OTOGL: variants seen among roughly 807,000 people sequenced by gnomAD.
The protein encoded by OTOGL is otogelin-like protein.
Under a neutral mutation model 318.5 loss-of-function variants are expected in OTOGL, and 285 were observed. The observed-to-expected ratio is 0.89, with a 90% CI of 0.81 to 0.99. The LOEUF is 0.99. OTOGL is among the 50% of genes least tolerant of loss of function. The probability of loss-of-function intolerance (pLI) is 0.00; values close to 1 mark genes in which losing one functional copy is unlikely to be tolerated. For synonymous variants in OTOGL, 987 were observed against 936.5 expected (o/e 1.05, Z -0.99); for missense variants, 2,899 against 2,845.6 (o/e 1.02, Z -0.43).
intron 48 of OTOGL, 125 bp from the exon 49 acceptor site, chr12:80,356,682 G>A (rs946490647): frequency 1.5e-5 from 9 of 592,450 alleles, no homozygotes; most frequent in East Asian, 3.2e-5. Context: ...TCATATATAT[G>A]TATATATATA....
chr12:80,211,912 G>C (rs745393396), intron 3 of OTOGL, 37 bp from the exon 4 acceptor site: 1 of 1,512,884 alleles, frequency 6.6e-7, no homozygotes, highest in South Asian at 1.2e-5. Context: ...TTGCCTAGGG[G>C]CCTTTGACTG....
Position 80,302,724 on chromosome 12 carries a change from A to C in OTOGL, c.3154A>C (p.Ile1052Leu), listed in dbSNP as rs1326300016. ...AGTAGTATACTTTCCAGAGAAAGAT[A>C]TCACTATTCTTTGGGATAGGAAGAC... ...YIVVYFPEKD[I>L]TILWDRKTTI... The change falls in exon 28 of 59, where the codon ATC (isoleucine) becomes CTC (leucine). Residue 1052 changes from isoleucine (I) to leucine (L), a missense_variant. By Grantham distance (5) the Ile-to-Leu change is conservative. Transcript: ENST00000547103. 6.5e-7 allele frequency: 1 copy of C among 1,543,242 alleles called. No homozygotes were observed. Among genetic ancestry groups the C allele is most frequent in the Non-Finnish European group, 8.7e-7 (1 of 1,149,620 alleles).
intron 52 of OTOGL, 105 bp downstream of exon 52, chr12:80,359,005 C>T (rs758702142): frequency 1.1e-6 from 1 of 947,780 alleles, no homozygotes. Context: ...TAAAATTACC[C>T]ACATTAAATT....
At chr12:80,121,498 C>A (rs576375827) in intron 1 of OTOGL, among the ~76,000 whole-genome samples, 1 of 151,948 alleles carries the variant, frequency 6.6e-6, no homozygotes, top group South Asian at 2.1e-4. Context: ...GTCTCTAATC[C>A]CTCCCTAGAG....
intron 1 of OTOGL, among the ~76,000 whole-genome samples, chr12:80,151,203 A>C (rs1233175254): frequency 6.6e-6 from 1 of 152,180 alleles, no homozygotes; most frequent in Non-Finnish European, 1.5e-5. Flanking sequence ...CAACATGTAC[A>C]AAAAGCAACT....
chr12:80,262,506 CATGAG>C (rs1367213075), intron 19 of OTOGL, among the ~76,000 whole-genome samples: 1 of 152,022 alleles, frequency 6.6e-6, no homozygotes, highest in Non-Finnish European at 1.5e-5. Flanking sequence ...ACTCATTGCT[CATGAG>C]CCCTACTCAT....
intron 33 of OTOGL, 123 bp from the exon 34 acceptor site, chr12:80,320,299 T>C (rs1887238465): frequency 9.6e-6 from 8 of 833,306 alleles, no homozygotes; most frequent in Non-Finnish European, 1.4e-5. Context: ...ATCTTAGTTA[T>C]TGGCACTAAT....
chr12:80,229,666 G>A (rs1032982838), intron 8 of OTOGL, among the ~76,000 whole-genome samples: 1 of 151,540 alleles, frequency 6.6e-6, no homozygotes, highest in African/African-American at 2.4e-5. Flanking sequence ...TTTTCTGAGA[G>A]ATTCAAGAGA....
intron 42 of OTOGL, 80 bp downstream of exon 42, chr12:80,337,084 A>G: frequency 9.6e-7 from 1 of 1,044,030 alleles, no homozygotes; most frequent in South Asian, 1.5e-5. Flanking sequence ...TAAGAGGGAA[A>G]ATTAAGCATA....
intron 11 of OTOGL, 103 bp from the exon 12 acceptor site, chr12:80,251,590 A>T: frequency 1.3e-6 from 1 of 755,544 alleles, no homozygotes; most frequent in Non-Finnish European, 2.1e-6. Flanking sequence ...TTAACATCGG[A>T]GTATTCATCA....
intron 1 of OTOGL, chr12:80,131,179 C>G (rs943765341): frequency 4.5e-5 from 5 of 110,252 alleles, no homozygotes; most frequent in Non-Finnish European, 1.1e-4. Flanking sequence ...TGACCTTGAC[C>G]TCCAACTACC....
intron 25 of OTOGL, 83 bp downstream of exon 25, chr12:80,278,358 G>A: frequency 8.9e-7 from 1 of 1,122,314 alleles, no homozygotes; most frequent in Non-Finnish European, 1.3e-6. Flanking sequence ...TAATGAGACT[G>A]ACATCAGCAA....
intron 37 of OTOGL, among the ~76,000 whole-genome samples, chr12:80,330,781 T>C (rs935315291): frequency 2.0e-5 from 3 of 152,226 alleles, no homozygotes; most frequent in African/African-American, 7.2e-5. Context: ...TTCAGCAAGG[T>C]TGCAGAATGC....
intron 7 of OTOGL, among the ~76,000 whole-genome samples, chr12:80,227,911 T>G (rs570225450): frequency 6.6e-6 from 1 of 152,272 alleles, no homozygotes; most frequent in South Asian, 2.1e-4. Context: ...CCCTGCTTAA[T>G]ATTTCTCCTT....
intron 35 of OTOGL, among the ~76,000 whole-genome samples, chr12:80,327,697 C>T (rs539676772): frequency 2.6e-5 from 4 of 151,446 alleles, no homozygotes; most frequent in East Asian, 2.0e-4. Context: ...CGGTGGTTCA[C>T]GCCTGTAATC....
intron 1 of OTOGL, among the ~76,000 whole-genome samples, chr12:80,126,700 C>T (rs1291522190): frequency 6.6e-6 from 1 of 152,152 alleles, no homozygotes; most frequent in Non-Finnish European, 1.5e-5. Context: ...TCTCTAAGGA[C>T]TTGCTTTATG....
intron 44 of OTOGL, among the ~76,000 whole-genome samples, chr12:80,349,980 A>G (rs1244766624): frequency 6.6e-6 from 1 of 152,138 alleles, no homozygotes; most frequent in Non-Finnish European, 1.5e-5. Context: ...CAATAATATA[A>G]TATTATAGTC....
At chr12:80,229,492 T>C in intron 8 of OTOGL, 114 bp downstream of exon 8, 2 of 1,335,478 alleles carry the variant, frequency 1.5e-6, no homozygotes, top group East Asian at 2.5e-5. Context: ...TCTTCAACAA[T>C]ACTCTTAAAG....
Position 80,302,127 on chromosome 12 carries a change from G to A in OTOGL, c.3064-507G>A, listed in dbSNP as rs977012679. Among the ~76,000 whole-genome samples, 16 of 152,168 alleles carry A rather than the reference G, an allele frequency of 1.1e-4. No homozygotes were observed. In the East Asian group the frequency reaches 3.1e-3, roughly 29 times the overall value. On this transcript the variant is annotated intron_variant, in intron 27 of 58. Coordinates refer to ENST00000547103, the MANE Select transcript of OTOGL (RefSeq NM_001378609.3). ...AGCTTCTTTTTGCCTGAATTGGAAA[G>A]GCAATGTCTCCTACCAAACTTAATG...
Sources: gnomAD v4.1 joint callset for allele counts (sites outside exome capture counted in the v4.1 genomes callset) on GRCh38, gnomAD v4.1.1 for gene constraint, MANE v1.5 for transcripts, NCBI Gene and HGNC (gene_info 2026-07-23, HGNC 2026-07-21) for gene names.